Variants in POT1 observed in about 807,000 individuals in gnomAD.
POT1 encodes protection of telomeres protein 1.
In POT1, 47 loss-of-function variants were observed where a neutral mutation model predicts 78.5. That is an observed-to-expected ratio of 0.60 (90% CI 0.47 to 0.76). POT1 has a LOEUF of 0.76. POT1 is among the 30% of genes least tolerant of loss of function. The pLI is 0.00. For synonymous variants in POT1, 259 were observed against 260.7 expected, an observed-to-expected ratio of 0.99 and a Z score of 0.06; for missense variants, 646 against 749.9, an observed-to-expected ratio of 0.86 and a Z score of 1.62.
chr7:124,840,371 A>C (rs1430950569), intron 14 of POT1, among the ~76,000 whole-genome samples: 1 of 152,108 alleles, frequency 6.6e-6, no homozygotes, highest in South Asian at 2.1e-4. Context: ...GAAAGCCTTA[A>C]GAAAAACAAT....
intron 15 of POT1, among the ~76,000 whole-genome samples, chr7:124,830,812 TA>T (rs970759617): frequency 1.3e-5 from 2 of 151,876 alleles, no homozygotes; most frequent in African/African-American, 4.8e-5. Context: ...ACAAAAATTT[TA>T]AAAAAACCTA....
intron 14 of POT1, among the ~76,000 whole-genome samples, chr7:124,839,592 T>A (rs746129124): frequency 1.3e-5 from 2 of 152,190 alleles, no homozygotes; most frequent in Non-Finnish European, 2.9e-5. Context: ...TTGGTCCAGG[T>A]TATAATACTT....
chr7:124,871,731 A>T (rs1037160568), intron 6 of POT1, among the ~76,000 whole-genome samples: 225 of 145,008 alleles, frequency 1.6e-3, no homozygotes, highest in African/African-American at 4.9e-3. Flanking sequence ...CTGCCTTAAA[A>T]TTTTTTTTTT....
At chr7:124,916,866 G>A (rs1797027132) in intron 2 of POT1, among the ~76,000 whole-genome samples, 1 of 152,082 alleles carries the variant, frequency 6.6e-6, no homozygotes, top group Admixed American at 6.6e-5. Context: ...ACAGAAGTAG[G>A]GCAATGGCAG....
intron 2 of POT1, among the ~76,000 whole-genome samples, chr7:124,919,248 T>C (rs916595827): frequency 1.3e-5 from 2 of 152,186 alleles, no homozygotes; most frequent in African/African-American, 4.8e-5. Flanking sequence ...AATACTATGA[T>C]GTTATGGGAT....
intron 7 of POT1, among the ~76,000 whole-genome samples, chr7:124,868,727 AT>A: frequency 6.7e-6 from 1 of 149,986 alleles, no homozygotes; most frequent in East Asian, 1.9e-4. Context: ...GATTATTTGA[AT>A]ATAATTCAAA....
At chr7:124,892,458 C>G in intron 5 of POT1, 78 bp from the exon 6 acceptor site, 1 of 704,250 alleles carries the variant, frequency 1.4e-6, no homozygotes. Flanking sequence ...ATATTAGCAG[C>G]AAATCCATGT....
chr7:124,904,255 T>C (rs9690993), intron 3 of POT1, among the ~76,000 whole-genome samples: 91,343 of 151,940 alleles, frequency 0.6, 27,583 homozygotes, highest in African/African-American at 0.65. Flanking sequence ...AACATCAGTG[T>C]GAAAATCCTC....
chr7:124,842,475 C>T (rs546519778), intron 13 of POT1, among the ~76,000 whole-genome samples: 1 of 151,968 alleles, frequency 6.6e-6, no homozygotes, highest in African/African-American at 2.4e-5. Flanking sequence ...CAACTCCTTT[C>T]AAAAATTTCA....
chr7:124,874,079 G>A (rs1408027678), intron 6 of POT1, among the ~76,000 whole-genome samples: 1 of 152,164 alleles, frequency 6.6e-6, no homozygotes. Context: ...CAGCATCTTT[G>A]TATTTAACAA....
chr7:124,871,964 CT>C (rs966331582), intron 6 of POT1, among the ~76,000 whole-genome samples: 1 of 152,098 alleles, frequency 6.6e-6, no homozygotes, highest in African/African-American at 2.4e-5. Flanking sequence ...AATAGAACCC[CT>C]GAACTTATTC....
At chr7:124,839,850 C>G (rs946750633) in intron 14 of POT1, among the ~76,000 whole-genome samples, 24 of 152,138 alleles carry the variant, frequency 1.6e-4, no homozygotes, top group African/African-American at 5.8e-4. Context: ...CATTATCACT[C>G]AAAGTCCACA....
chr7:124,922,929 C>T (rs1257637952), intron 2 of POT1, among the ~76,000 whole-genome samples: 1 of 151,780 alleles, frequency 6.6e-6, no homozygotes, highest in Non-Finnish European at 1.5e-5. Flanking sequence ...TTCATACACT[C>T]AATATAAGGG....
chr7:124,849,067 T>C (rs1795241066), intron 11 of POT1, among the ~76,000 whole-genome samples: 1 of 152,218 alleles, frequency 6.6e-6, no homozygotes, highest in Non-Finnish European at 1.5e-5. Flanking sequence ...TATGTTTTTA[T>C]AATTTATTTT....
At chr7:124,901,343 A>G (rs1796614402) in intron 3 of POT1, among the ~76,000 whole-genome samples, 2 of 152,128 alleles carry the variant, frequency 1.3e-5, no homozygotes, top group Non-Finnish European at 2.9e-5. Flanking sequence ...GTTCTGCAAT[A>G]TTTGCTGTTC....
At chr7:124,861,567 T>C (rs1795599269) in intron 8 of POT1, among the ~76,000 whole-genome samples, 1 of 152,194 alleles carries the variant, frequency 6.6e-6, no homozygotes, top group African/African-American at 2.4e-5. Context: ...TTCACTCTGA[T>C]GATAGTTTCT....
chr7:124,922,626 A>G (rs1584532700), intron 2 of POT1, among the ~76,000 whole-genome samples: 1 of 152,132 alleles, frequency 6.6e-6, no homozygotes, highest in East Asian at 1.9e-4. Context: ...GTACTAGCAT[A>G]ACCACTAAAG....
chr7:124,838,606 C>T (rs1036410545), intron 14 of POT1, among the ~76,000 whole-genome samples: 3 of 151,898 alleles, frequency 2.0e-5, no homozygotes, highest in African/African-American at 7.2e-5. Context: ...TAGATTATGG[C>T]AATCTTTTTT....
chr7:124,900,811 T>C (rs1245601228), intron 3 of POT1: 2 of 398,708 alleles, frequency 5.0e-6, no homozygotes, highest in Admixed American at 5.0e-5. Context: ...ATACTGTGCT[T>C]TTCCAACGGT....
Sources: allele counts gnomAD v4.1 joint callset (sites outside exome capture counted in the v4.1 genomes callset), GRCh38; gene constraint gnomAD v4.1.1; transcripts MANE v1.5; gene names NCBI Gene and HGNC (gene_info 2026-07-23, HGNC 2026-07-21).